The following SPG7 variants were observed in gnomAD, a reference collection of about 807,000 sequenced individuals.
SPG7 encodes mitochondrial inner membrane m-AAA protease component paraplegin.
In SPG7, 103 loss-of-function variants were observed where a neutral mutation model predicts 81.9. The ratio of observed to expected loss-of-function variants is 1.26; its 90% CI spans 1.07 to 1.48. The LOEUF is 1.48. Among genes scored for constraint, SPG7 ranks in the 40% most tolerant of loss-of-function variants. The pLI, the probability that SPG7 is intolerant of heterozygous loss-of-function variation, is 0.00. For synonymous variants in SPG7, 534 were observed against 444.2 expected, an observed-to-expected ratio of 1.20 and a Z score of -2.54; for missense variants, 1,241 against 1,087.3, an observed-to-expected ratio of 1.14 and a Z score of -1.99.
At chr16:89,548,589 C>G (rs2058595788) in intron 12 of SPG7, 1 of 297,460 alleles carries the variant, frequency 3.4e-6, no homozygotes. Context: ...AGCACCACCT[C>G]TGGTGAAACT....
At chr16:89,548,319 C>CA in intron 12 of SPG7, 1 of 535,956 alleles carries the variant, frequency 1.9e-6, no homozygotes, top group Non-Finnish European at 3.3e-6. Flanking sequence ...TAAGAGTAGA[C>CA]GCTCGTCCAA....
chr16:89,528,022 G>C (rs2058287317), intron 5 of SPG7, among the ~76,000 whole-genome samples: 1 of 152,148 alleles, frequency 6.6e-6, no homozygotes. Context: ...TGTCTTTGTA[G>C]GCCAGTGATG....
chr16:89,554,712 A>G, intron 16 of SPG7, 149 bp downstream of exon 16: 1 of 664,520 alleles, frequency 1.5e-6, no homozygotes, highest in Non-Finnish European at 2.7e-6. Context: ...CTCAACTGAA[A>G]CTTACGTGTT....
At chr16:89,532,113 G>A (rs747414844) in intron 8 of SPG7, 47 bp downstream of exon 8, 4 of 1,592,138 alleles carry the variant, frequency 2.5e-6, no homozygotes, top group African/African-American at 1.3e-5. Context: ...CTGACTACCT[G>A]GCTCCTTTCA....
At chr16:89,516,171 A>G (rs910527106) in intron 3 of SPG7, among the ~76,000 whole-genome samples, 3 of 152,040 alleles carry the variant, frequency 2.0e-5, no homozygotes, top group Non-Finnish European at 2.9e-5. Context: ...TAGTTTTGGT[A>G]GAGACCTGGT....
rs188382909 is a variant in SPG7 at position 89,546,501 on chromosome 16, A to G, written c.1450-157A>G. 294 of 694,314 alleles carry G rather than the reference A, an allele frequency of 4.2e-4. 1 individual carries two copies. The African/African-American group carries it at 4.5e-3, about 11-fold the overall frequency. 43.0% of individuals were successfully genotyped at this position (694,314 alleles called of 1,614,324 possible). On this transcript the variant is annotated intron_variant, in intron 10 of 16. Coordinates refer to ENST00000645818, the MANE Select transcript of SPG7 (RefSeq NM_003119.4). ...GAGACCAGCCTAGCCAACTTTGCGA[A>G]ACCCCGTCTCTACTAAAAATACAAA...
At chr16:89,531,668 C>G (rs948892922) in intron 7 of SPG7, 182 of 552,448 alleles carry the variant, frequency 3.3e-4, no homozygotes, top group Admixed American at 1.8e-4. Flanking sequence ...GCCACCGCAC[C>G]TGGCCTGCAA....
intron 9 of SPG7, chr16:89,544,445 G>C: frequency 1.7e-6 from 1 of 601,400 alleles, no homozygotes; most frequent in South Asian, 1.8e-5. Context: ...TGTCAAAATA[G>C]GCAAATTCCT....
At chr16:89,509,786 C>CTTTTTTTTTTTTT (rs34140158) in intron 1 of SPG7, among the ~76,000 whole-genome samples, 1 of 95,130 alleles carries the variant, frequency 1.1e-5, no homozygotes, top group Non-Finnish European at 2.0e-5. Flanking sequence ...TTGTTTTCTT[C>CTTTTTTTTTTTTT]TTTTTTTTTT....
rs375463067 is a variant in SPG7, at chr16:89,532,651, G to A, written c.1324+15G>A. 21 of 1,612,648 alleles carry A rather than the reference G, an allele frequency of 1.3e-5. No individual in the cohort carries two copies. The South Asian group carries it at 1.5e-4, about 12-fold the overall frequency. On this transcript the variant is annotated intron_variant, in intron 9 of 16. Coordinates refer to ENST00000645818, the MANE Select transcript of SPG7 (RefSeq NM_003119.4). ...AGAAATGGATGGTCAGTGCTCGTGC[G>A]CCCCGCACCCCCATTGCACCATCAG...
intron 13 of SPG7, chr16:89,552,255 C>T (rs374270429): frequency 8.5e-5 from 13 of 152,692 alleles, no homozygotes; most frequent in African/African-American, 2.9e-4. Context: ...GCGAAGGGGT[C>T]TCGTTATGTT....
At chr16:89,556,031 C>G (rs896762201) in intron 16 of SPG7, 1 of 398,658 alleles carries the variant, frequency 2.5e-6, no homozygotes, top group African/African-American at 2.1e-5. Flanking sequence ...GACAAAGCAG[C>G]TCTGCAGAGC....
At chr16:89,543,229 G>C (rs1189404369) in intron 9 of SPG7, 2 of 151,688 alleles carry the variant, frequency 1.3e-5, no homozygotes, top group Non-Finnish European at 2.9e-5. Context: ...TTACAGGCGT[G>C]AGCCACCGCG....
intron 3 of SPG7, among the ~76,000 whole-genome samples, chr16:89,516,359 T>C: frequency 6.6e-6 from 1 of 150,764 alleles, no homozygotes. Flanking sequence ...CTGGCTAACA[T>C]GGTGAAACCC....
intron 14 of SPG7, chr16:89,553,480 G>T: frequency 3.8e-6 from 2 of 528,654 alleles, no homozygotes; most frequent in Middle Eastern, 5.1e-4. Flanking sequence ...GGTCCCGGGG[G>T]CCCCTGGGCT....
chr16:89,508,958 C>T (rs1168959904), intron 1 of SPG7: 1 of 500,660 alleles, frequency 2.0e-6, no homozygotes, highest in South Asian at 1.5e-5. Context: ...TGGATCGATT[C>T]CGTCACCAGG....
chr16:89,546,900 G>A, intron 11 of SPG7, 140 bp downstream of exon 11: 1 of 692,286 alleles, frequency 1.4e-6, no homozygotes, highest in Non-Finnish European at 2.6e-6. Context: ...AAGCCTGGGA[G>A]GGAGCTGATG....
intron 13 of SPG7, chr16:89,552,083 G>T (rs539006596): frequency 2.0e-5 from 3 of 152,128 alleles, no homozygotes; most frequent in African/African-American, 4.8e-5. Context: ...TTGAGACAGG[G>T]TCTCTCTCTC....
At chr16:89,547,820 C>A (rs1281076605) in intron 11 of SPG7, 183 bp from the exon 12 acceptor site, 3 of 620,774 alleles carry the variant, frequency 4.8e-6, no homozygotes, top group Non-Finnish European at 8.8e-6. Flanking sequence ...ACCCTGTTGG[C>A]CAGGCTGGTC....
Sources: allele counts gnomAD v4.1 joint callset (sites outside exome capture counted in the v4.1 genomes callset), GRCh38; gene constraint gnomAD v4.1.1; transcripts MANE v1.5; gene names NCBI Gene and HGNC (gene_info 2026-07-23, HGNC 2026-07-21).